The following SH3RF2 variants were observed in gnomAD, a reference collection of about 807,000 sequenced individuals.
SH3RF2 encodes E3 ubiquitin-protein ligase SH3RF2.
SH3RF2 carries 43 observed loss-of-function variants against 59.0 expected under a neutral mutation model. The observed-to-expected ratio is 0.73, with a 90% CI of 0.57 to 0.94. The LOEUF is 0.94. Among genes scored for constraint, SH3RF2 ranks in the 40% least tolerant of loss-of-function variants. The probability of loss-of-function intolerance (pLI) is 0.00; values close to 1 mark genes in which losing one functional copy is unlikely to be tolerated. For missense variants in SH3RF2, 930 were observed against 940.1 expected (o/e 0.99, Z 0.14); for synonymous variants, 391 against 391.5 (o/e 1.00, Z 0.01).
chr5:145,997,734 G>A, intron 2 of SH3RF2: 3 of 1,575,120 alleles, frequency 1.9e-6, no homozygotes, highest in Non-Finnish European at 2.6e-6. Context: ...AATTTTTGAA[G>A]CAGTTAAATC....
At position 146,046,753 on chromosome 5, in the gene SH3RF2, G is replaced by A. The variant is rs543548345; in HGVS notation, c.1060-1019G>A. Among the ~76,000 whole-genome samples the A allele has an allele frequency of 5.9e-5, 9 of 152,144 alleles. No individual in the cohort carries two copies. In the South Asian group the frequency reaches 1.9e-3, roughly 32 times the overall value. On this transcript the variant is annotated intron_variant, in intron 5 of 9. Transcript: ENST00000359120. ...GTTTGCCAAAGCCCTAGGATAGTAG[G>A]CAGTTTACAGGAACTTTTTTTTTTT...
chr5:145,941,724 C>G (rs1047116447), intron 2 of SH3RF2, among the ~76,000 whole-genome samples: 1 of 152,184 alleles, frequency 6.6e-6, no homozygotes, highest in African/African-American at 2.4e-5. Flanking sequence ...CTCAACAGTT[C>G]TGCACTTTGG....
rs561189761 is a variant in SH3RF2 at position 146,009,095 on chromosome 5, A to G, written c.745-4652A>G. 7.5e-4 allele frequency among the ~76,000 whole-genome samples: 115 copies of G among 152,334 alleles called. 1 individual carries two copies. Among genetic ancestry groups the G allele is most frequent in the African/African-American group, 2.7e-3 (111 of 41,570 alleles). Reference sequence around the variant, plus strand: ...GCATAAAACTGTTATAAACATTTGCATACTGGTTTTTGAGTGGGCACAAGT... The same window carrying G: ...GCATAAAACTGTTATAAACATTTGCGTACTGGTTTTTGAGTGGGCACAAGT... On this transcript the variant is annotated intron_variant, in intron 4 of 9. Transcript: ENST00000359120.
chr5:146,027,646 T>C (rs4526155), intron 5 of SH3RF2, among the ~76,000 whole-genome samples: 44,122 of 152,176 alleles, frequency 0.29, 7,809 homozygotes, highest in Non-Finnish European at 0.39. Flanking sequence ...GAGTATGTAA[T>C]GGAGGGTCCA....
downstream of SH3RF2, among the ~76,000 whole-genome samples, chr5:146,065,202 C>T (rs1763075122): frequency 6.6e-6 from 1 of 152,180 alleles, no homozygotes; most frequent in Non-Finnish European, 1.5e-5. Flanking sequence ...CCCAAACAAA[C>T]ATGAGATATT....
At chr5:145,965,606 A>G (rs1365570466) in intron 2 of SH3RF2, among the ~76,000 whole-genome samples, 1 of 152,198 alleles carries the variant, frequency 6.6e-6, no homozygotes, top group African/African-American at 2.4e-5. Context: ...TGAGGTTTTG[A>G]AAGTGGAAAA....
rs112557473 is a variant in SH3RF2, at chr5:146,022,456, C to G, written c.1059+8395C>G. Among the ~76,000 whole-genome samples the G allele has an allele frequency of 8.3e-3, 1,263 of 152,314 alleles. 6 individuals are homozygous for G. Among genetic ancestry groups the G allele is most frequent in the Non-Finnish European group, 0.013 (855 of 68,032 alleles). On this transcript the variant is annotated intron_variant, in intron 5 of 9. Coordinates refer to ENST00000359120, the MANE Select transcript of SH3RF2 (RefSeq NM_152550.4). Reference sequence around the variant, plus strand: ...CTCCTGACTCAAGTGATCTGCCCACCTTGCCTCTTGGATTATTTTAAAGCA... The same window carrying G: ...CTCCTGACTCAAGTGATCTGCCCACGTTGCCTCTTGGATTATTTTAAAGCA...
intron 2 of SH3RF2, among the ~76,000 whole-genome samples, chr5:145,959,927 T>C (rs1758567604): frequency 6.6e-6 from 1 of 152,160 alleles, no homozygotes; most frequent in Non-Finnish European, 1.5e-5. Context: ...TAACTCCCAA[T>C]TCAAAATTCA....
chr5:146,009,704 G>T (rs1256931724), intron 4 of SH3RF2, among the ~76,000 whole-genome samples: 1 of 152,002 alleles, frequency 6.6e-6, no homozygotes, highest in Non-Finnish European at 1.5e-5. Flanking sequence ...TCCAGGCCTT[G>T]GCCTCCTGAT....
chr5:146,034,912 C>A (rs1440873814), intron 5 of SH3RF2, among the ~76,000 whole-genome samples: 1 of 152,148 alleles, frequency 6.6e-6, no homozygotes, highest in Non-Finnish European at 1.5e-5. Context: ...TGGAGACCAG[C>A]CTGGCCAACA....
intron 8 of SH3RF2, among the ~76,000 whole-genome samples, chr5:146,056,536 C>T (rs1762678716): frequency 6.6e-6 from 1 of 152,162 alleles, no homozygotes. Context: ...TGGGTCAGTG[C>T]TTCTCAAACT....
intron 2 of SH3RF2, among the ~76,000 whole-genome samples, chr5:145,982,614 C>T (rs572842475): frequency 4.8e-4 from 73 of 152,334 alleles, no homozygotes; most frequent in African/African-American, 1.7e-3. Context: ...TTCCTTCTCA[C>T]AATACTTATT....
rs191590883 is a variant in SH3RF2 at position 145,965,239 on chromosome 5, A to C, written c.378+26933A>C. 1.0e-3 allele frequency among the ~76,000 whole-genome samples: 152 copies of C among 152,238 alleles called. 1 individual carries two copies. The highest frequency in any genetic ancestry group is 2.0e-3 in the Non-Finnish European group (137 of 68,016). ...AAAAAAAAACCTAGAACTGTATTTC[A>C]GTCACCCACTGCAATTTTTTGTTTT... On this transcript the variant is annotated intron_variant, in intron 2 of 9. Transcript: ENST00000359120.
At position 146,059,914 on chromosome 5, in the gene SH3RF2, T is replaced by C. The variant is rs1329531841; in HGVS notation, c.1604T>C (p.Val535Ala). The change falls in exon 9 of 10, where the codon GTA (valine) becomes GCA (alanine). Residue 535 changes from valine (V) to alanine (A), a missense_variant. By Grantham distance (64) the Val-to-Ala change is moderately conservative. Transcript: ENST00000359120. ...PLQSGIPTLVVGSLRRSPTMV... is the reference protein window; with the variant it reads ...PLQSGIPTLVAGSLRRSPTMV... ...CAGTCCGGGATCCCCACTCTCGTGG[T>C]AGGCTCCCTCAGACGCAGCCCCACC... The C allele has an allele frequency of 6.7e-7, 1 of 1,501,906 alleles. No individual in the cohort carries two copies. Among genetic ancestry groups the C allele is most frequent in the Admixed American group, 2.3e-5 (1 of 43,216 alleles). The allele number at this position is 1,501,906 out of a possible 1,614,324, so 93.0% of individuals were successfully genotyped here.
At chr5:146,045,728 A>G (rs908666762) in intron 5 of SH3RF2, among the ~76,000 whole-genome samples, 3 of 152,224 alleles carry the variant, frequency 2.0e-5, no homozygotes, top group Admixed American at 6.5e-5. Context: ...CCACTCATTA[A>G]TGAGTAGACA....
chr5:145,990,627 T>G (rs190757648), intron 2 of SH3RF2, among the ~76,000 whole-genome samples: 164 of 152,362 alleles, frequency 1.1e-3, no homozygotes, highest in Middle Eastern at 3.4e-3. Context: ...CTGAAGCCTA[T>G]GCATTATCTT....
At chr5:145,988,620 C>T (rs1476466785) in intron 2 of SH3RF2, among the ~76,000 whole-genome samples, 1 of 152,086 alleles carries the variant, frequency 6.6e-6, no homozygotes, top group African/African-American at 2.4e-5. Flanking sequence ...AGTACCTCTC[C>T]TGAAGTAAAG....
chr5:146,002,614 C>A (rs1473009146), intron 3 of SH3RF2, among the ~76,000 whole-genome samples: 6 of 152,036 alleles, frequency 3.9e-5, no homozygotes, highest in African/African-American at 1.4e-4. Context: ...AGTACCAGTC[C>A]GTGGCCTGTG....
At chr5:145,959,842 G>C (rs1001547046) in intron 2 of SH3RF2, among the ~76,000 whole-genome samples, 3 of 152,008 alleles carry the variant, frequency 2.0e-5, no homozygotes, top group African/African-American at 7.3e-5. Context: ...GTAGTTGGAG[G>C]TCAACCTGCG....
Sources: allele counts gnomAD v4.1 joint callset (sites outside exome capture counted in the v4.1 genomes callset), GRCh38; gene constraint gnomAD v4.1.1; transcripts MANE v1.5; gene names NCBI Gene and HGNC (gene_info 2026-07-23, HGNC 2026-07-21).